CNR2: variants seen among roughly 807,000 people sequenced by gnomAD.
CNR2 encodes cannabinoid receptor 2, also known as cannabinoid receptor 2 (macrophage).
For synonymous variants in CNR2, 172 were observed against 182.2 expected, an observed-to-expected ratio of 0.94 and a Z score of 0.45; for missense variants, 379 against 439.9, an observed-to-expected ratio of 0.86 and a Z score of 1.24.
intron 1 of CNR2, among the ~76,000 whole-genome samples, chr1:23,905,028 G>T (rs2148470776): frequency 6.6e-6 from 1 of 152,302 alleles, no homozygotes; most frequent in Non-Finnish European, 1.5e-5. Flanking sequence ...CTGGTTCCCA[G>T]AACAGGGGAG....
chr1:23,906,967 T>C (rs1014933981), intron 1 of CNR2: 2 of 151,904 alleles, frequency 1.3e-5, no homozygotes, highest in African/African-American at 4.8e-5. Flanking sequence ...CAGGTGTAGA[T>C]CTCTTTTATA....
chr1:23,893,442 T>G (rs1002338863), intron 1 of CNR2, among the ~76,000 whole-genome samples: 4 of 152,240 alleles, frequency 2.6e-5, no homozygotes, highest in Non-Finnish European at 4.4e-5. Flanking sequence ...TTCAGTTTCT[T>G]CCTCTGTGAA....
At chr1:23,896,881 G>GTTTTTTTTTTTTTTTTTTTT (rs5773060) in intron 1 of CNR2, among the ~76,000 whole-genome samples, 2 of 141,806 alleles carry the variant, frequency 1.4e-5, no homozygotes, top group Non-Finnish European at 1.5e-5. Context: ...CACCAGGAGT[G>GTTTTTTTTTTTTTTTTTTTT]TTTTTTTTTT....
At chr1:23,881,883 C>T (rs12754324) in intron 1 of CNR2, among the ~76,000 whole-genome samples, 109,209 of 150,252 alleles carry the variant, frequency 0.73, 40,457 homozygotes, top group Middle Eastern at 0.79. Context: ...GAGAGCGAAA[C>T]TTTGTCTTTA....
Position 23,874,689 on chromosome 1 carries a change from G to C in CNR2, c.929C>G (p.Ala310Gly), listed in dbSNP as rs923029792. The C allele has an allele frequency of 6.2e-7, 1 of 1,614,212 alleles. No homozygotes were observed. The change falls in exon 2 of 2, where the codon GCC (alanine) becomes GGC (glycine). Residue 310 changes from alanine (A) to glycine (G), a missense_variant. Physicochemically the swap from Ala to Gly is moderately conservative, Grantham distance 60 (BLOSUM62 0). Transcript: ENST00000374472. ...CTTCCAGTGAGCCAGGCAGTGATGG[G>C]CAGAGGAGCGGATCTCTCCACTCCG... ...ALRSGEIRSS[A>G]HHCLAHWKKC...
At chr1:23,896,595 C>T (rs893289411) in intron 1 of CNR2, among the ~76,000 whole-genome samples, 6 of 152,184 alleles carry the variant, frequency 3.9e-5, no homozygotes, top group Admixed American at 3.9e-4. Context: ...CTCTATTGTG[C>T]CCTTGGGCTG....
At chr1:23,909,880 C>G (rs542701966) in intron 1 of CNR2, among the ~76,000 whole-genome samples, 3 of 152,128 alleles carry the variant, frequency 2.0e-5, no homozygotes, top group African/African-American at 7.2e-5. Context: ...CACAATATGG[C>G]TTGGTTCTGG....
At chr1:23,891,143 G>T (rs1299964509) in intron 1 of CNR2, among the ~76,000 whole-genome samples, 1 of 151,772 alleles carries the variant, frequency 6.6e-6, no homozygotes, top group Non-Finnish European at 1.5e-5. Context: ...GCCTCCCAAA[G>T]TGTTGAGATT....
At chr1:23,906,164 T>C (rs1640482951) in intron 1 of CNR2, among the ~76,000 whole-genome samples, 1 of 152,074 alleles carries the variant, frequency 6.6e-6, no homozygotes, top group Non-Finnish European at 1.5e-5. Flanking sequence ...GAACTAGGCT[T>C]AAGCTGTCTT....
intron 1 of CNR2, among the ~76,000 whole-genome samples, chr1:23,907,376 C>T (rs1640514326): frequency 7.0e-6 from 1 of 143,474 alleles, no homozygotes; most frequent in Non-Finnish European, 1.5e-5. Context: ...CGCCACTATG[C>T]TCCAGCCTGG....
chr1:23,909,366 C>T (rs552649249), intron 1 of CNR2, among the ~76,000 whole-genome samples: 12 of 152,288 alleles, frequency 7.9e-5, no homozygotes, highest in Non-Finnish European at 1.6e-4. Flanking sequence ...CCTGATCTTA[C>T]TCTTCTGGTG....
chr1:23,894,774 A>AGG (rs869080732), intron 1 of CNR2, among the ~76,000 whole-genome samples: 17 of 5,400 alleles, frequency 3.1e-3, no homozygotes, highest in Admixed American at 0.029. Flanking sequence ...TCAAAAAAAA[A>AGG]AAGAAAGAAA....
chr1:23,875,143 C>A lies in CNR2; in HGVS notation c.475G>T (p.Val159Phe), dbSNP rs201087852. ...AGGTAGGAGACTAGTGCTGAGAGGA[C>A]CCACATGATGCCCAGGGTCACCAGT... ...RALVTLGIMW[V>F]LSALVSYLPL... Residue 159 changes from valine (V) to phenylalanine (F), a missense_variant, in exon 2 of 2, where the codon GTC becomes TTC. Coordinates refer to ENST00000374472, the MANE Select transcript of CNR2 (RefSeq NM_001841.3). 2.2e-5 allele frequency: 36 copies of A among 1,612,452 alleles called. No individual in the cohort carries two copies. Among genetic ancestry groups the A allele is most frequent in the Non-Finnish European group, 2.8e-5 (33 of 1,179,088 alleles).
chr1:23,885,035 C>T (rs1026310080), intron 1 of CNR2, among the ~76,000 whole-genome samples: 1 of 151,942 alleles, frequency 6.6e-6, no homozygotes, highest in East Asian at 1.9e-4. Flanking sequence ...CTCCTGACCT[C>T]GTGATCCACC....
chr1:23,880,660 G>C (rs1269037096), intron 1 of CNR2, among the ~76,000 whole-genome samples: 1 of 151,794 alleles, frequency 6.6e-6, no homozygotes, highest in Non-Finnish European at 1.5e-5. Flanking sequence ...CCGCCTCCAG[G>C]GTTCAAGTGA....
intron 1 of CNR2, among the ~76,000 whole-genome samples, chr1:23,898,542 C>T (rs1220340186): frequency 5.3e-5 from 8 of 149,754 alleles, no homozygotes; most frequent in African/African-American, 1.7e-4. Context: ...GGGGTTTCAC[C>T]GAGTTAACCA....
At chr1:23,875,713 T>A in intron 1 of CNR2, 51 bp from the exon 2 acceptor site, 1 of 1,409,750 alleles carries the variant, frequency 7.1e-7, no homozygotes, top group Non-Finnish European at 9.5e-7. Context: ...AGCACAAGAA[T>A]GACCTCACCT....
intron 1 of CNR2, among the ~76,000 whole-genome samples, chr1:23,893,299 G>A (rs762141951): frequency 5.9e-5 from 9 of 152,134 alleles, no homozygotes; most frequent in Non-Finnish European, 1.2e-4. Flanking sequence ...GCTAAATGAT[G>A]TCTGAGGCCT....
At position 23,873,400 on chromosome 1, in the gene CNR2, T is replaced by C. The variant is rs1018013449; in HGVS notation, c.*1135A>G. 6.9e-6 allele frequency: 1 copy of C among 144,158 alleles called. No individual in the cohort carries two copies. The highest frequency in any genetic ancestry group is 1.5e-5 in the Non-Finnish European group (1 of 66,398). The allele number at this position is 144,158 out of a possible 1,614,324, so 8.9% of individuals were successfully genotyped here. A position where few individuals can be genotyped will look rare whatever the true frequency, so the allele number is the denominator to read the frequency against. ...ACAGGTGCCTGCCACCATGCCCTGC[T>C]AATTTTTGTATTTTTAGTAGAGACA... On this transcript the variant is annotated 3_prime_UTR_variant, in exon 2 of 2. Coordinates refer to ENST00000374472, the MANE Select transcript of CNR2 (RefSeq NM_001841.3).
Sources: gnomAD v4.1 joint callset for allele counts (sites outside exome capture counted in the v4.1 genomes callset) on GRCh38, gnomAD v4.1.1 for gene constraint, MANE v1.5 for transcripts, NCBI Gene and HGNC (gene_info 2026-07-23, HGNC 2026-07-21) for gene names.